TANC1: variants seen among roughly 807,000 people sequenced by gnomAD.
TANC1 encodes tetratricopeptide repeat, ankyrin repeat and coiled-coil containing 1.
Under a neutral mutation model 149.7 loss-of-function variants are expected in TANC1, and 77 were observed. The ratio of observed to expected loss-of-function variants is 0.51; its 90% confidence interval spans 0.43 to 0.62. The LOEUF (loss-of-function observed/expected upper bound fraction) is 0.62, where lower values mean the gene tolerates loss of function less well. TANC1 is among the 20% of genes least tolerant of loss of function. TANC1 has a pLI of 0.00. For synonymous variants in TANC1, 854 were observed against 925.0 expected (o/e 0.92, Z 1.39); for missense variants, 1,985 against 2,321.8 (o/e 0.85, Z 2.98).
chr2:159,021,518 G>A lies in TANC1; in HGVS notation c.-16+20329G>A, dbSNP rs182988805. The stretch of plus-strand genomic sequence containing the variant: ...AGGCTGAGGCAGGAGTAGCAGTAGA[G>A]CTTGAGCCCAGGGATTTGAGGTGGT... On this transcript the variant is annotated intron_variant, in intron 2 of 26. Coordinates refer to ENST00000263635, the MANE Select transcript of TANC1 (RefSeq NM_033394.3). Among the ~76,000 whole-genome samples, 332 of 152,212 alleles carry A rather than the reference G, an allele frequency of 2.2e-3. 5 individuals carry two copies. The highest frequency in any genetic ancestry group is 2.6e-3 in the Non-Finnish European group (174 of 68,012).
At chr2:159,079,863 A>G (rs1294847208) in intron 3 of TANC1, among the ~76,000 whole-genome samples, 4 of 152,234 alleles carry the variant, frequency 2.6e-5, no homozygotes, top group African/African-American at 9.6e-5. Context: ...GTTTCCTTTG[A>G]AAATATCCTT....
chr2:159,041,192 G>A (rs937672246), intron 2 of TANC1, among the ~76,000 whole-genome samples: 2 of 152,168 alleles, frequency 1.3e-5, no homozygotes, highest in Admixed American at 6.5e-5. Context: ...TGAGGTGTCA[G>A]TTGGCCCCTA....
At position 159,175,119 on chromosome 2, in the gene TANC1, G is replaced by C; in HGVS notation, c.1670G>C (p.Cys557Ser). 3.1e-6 allele frequency: 5 copies of C among 1,614,194 alleles called. No individual in the cohort carries two copies. The highest frequency in any genetic ancestry group is 3.4e-6 in the Non-Finnish European group (4 of 1,180,040). ...CAGAGCATGCTGAGCCTCCGATCCT[G>C]TGTGCAGGACCCGGTGGCAGCTTTC... ...QLQSMLSLRS[C>S]VQDPVAAFKR... Residue 557 changes from cysteine (C) to serine (S), a missense_variant, in exon 12 of 27, where the codon TGT (cysteine) becomes TCT (serine). Cys to Ser is a moderately radical substitution (Grantham distance 112). Transcript: ENST00000263635.
At chr2:159,011,526 AATT>A (rs2149378435) in intron 2 of TANC1, among the ~76,000 whole-genome samples, 1 of 137,572 alleles carries the variant, frequency 7.3e-6, no homozygotes, top group Non-Finnish European at 1.5e-5. Context: ...TTACACCTTA[AATT>A]TTTTTTTTTT....
chr2:159,130,224 G>A (rs1358734372), intron 4 of TANC1, among the ~76,000 whole-genome samples: 2 of 152,190 alleles, frequency 1.3e-5, no homozygotes, highest in Non-Finnish European at 2.9e-5. Flanking sequence ...AACATACCCA[G>A]TAGCTGGAAT....
At chr2:159,154,590 C>A (rs2053220448) in intron 7 of TANC1, among the ~76,000 whole-genome samples, 1 of 152,166 alleles carries the variant, frequency 6.6e-6, no homozygotes, top group Non-Finnish European at 1.5e-5. Context: ...ATTATGTTAT[C>A]CAGAGGGGAG....
chr2:159,063,087 G>GTGTGAAC (rs2042385072), intron 2 of TANC1, among the ~76,000 whole-genome samples: 4 of 151,394 alleles, frequency 2.6e-5, no homozygotes, highest in Admixed American at 2.6e-4. Flanking sequence ...CCAGACAGTT[G>GTGTGAAC]TGTGAACTGG....
intron 8 of TANC1, among the ~76,000 whole-genome samples, chr2:159,166,320 T>C (rs1290263708): frequency 6.6e-6 from 1 of 152,208 alleles, no homozygotes; most frequent in African/African-American, 2.4e-5. Flanking sequence ...GCATGGACTT[T>C]CCATAGGTTA....
intron 19 of TANC1, among the ~76,000 whole-genome samples, chr2:159,214,568 TC>T (rs2059228447): frequency 3.9e-5 from 6 of 152,206 alleles, no homozygotes; most frequent in Non-Finnish European, 7.3e-5. Context: ...ACCAGCTACC[TC>T]CTTGGAGAGC....
intron 13 of TANC1, 94 bp downstream of exon 13, chr2:159,176,612 T>C: frequency 2.1e-6 from 2 of 974,342 alleles, no homozygotes; most frequent in South Asian, 3.2e-5. Context: ...ACCATTCAGC[T>C]GCTTGAATTG....
At chr2:159,049,087 A>C (rs2041281396) in intron 2 of TANC1, among the ~76,000 whole-genome samples, 1 of 152,172 alleles carries the variant, frequency 6.6e-6, no homozygotes, top group Non-Finnish European at 1.5e-5. Flanking sequence ...TTTTCTTCAT[A>C]GGTCTCCCTC....
chr2:159,162,645 T>G (rs1436331758), intron 7 of TANC1, among the ~76,000 whole-genome samples: 1 of 152,338 alleles, frequency 6.6e-6, no homozygotes, highest in East Asian at 1.9e-4. Flanking sequence ...TCTGCAGTCA[T>G]AGTATACCTT....
chr2:159,056,619 T>G, intron 2 of TANC1: 1 of 159,474 alleles, frequency 6.3e-6, no homozygotes, highest in Non-Finnish European at 1.4e-5. Context: ...CTGGCCAGGT[T>G]TCAGTTTTTC....
intron 5 of TANC1, among the ~76,000 whole-genome samples, chr2:159,139,429 C>T (rs959916616): frequency 2.6e-5 from 4 of 152,100 alleles, no homozygotes; most frequent in East Asian, 1.9e-4. Flanking sequence ...AATGAGTAAG[C>T]TTCCTATTGC....
Position 159,178,705 on chromosome 2 carries a change from C to A in TANC1, c.2052C>A (p.Ala684=). The change falls in exon 14 of 27, where the codon GCC becomes GCA. Residue 684 remains alanine, a synonymous_variant. Coordinates refer to ENST00000263635, the MANE Select transcript of TANC1 (RefSeq NM_033394.3). ...GCAACATCTCCCTGAATGGCAAGGC[C>A]GATGCCACACTCATTGGAAAAGTGA... ...ILSNISLNGK[A]DATLIGKVSS... The A allele has an allele frequency of 6.2e-7, 1 of 1,614,148 alleles. No individual in the cohort carries two copies. The highest frequency in any genetic ancestry group is 8.5e-7 in the Non-Finnish European group (1 of 1,180,018).
chr2:159,079,408 A>G (rs979457283), intron 3 of TANC1, among the ~76,000 whole-genome samples: 1 of 127,960 alleles, frequency 7.8e-6, no homozygotes, highest in Non-Finnish European at 1.5e-5. Flanking sequence ...GCATGTTTAT[A>G]AACAGTTACA....
At chr2:159,138,356 T>C (rs1574913188) in intron 5 of TANC1, among the ~76,000 whole-genome samples, 1 of 152,152 alleles carries the variant, frequency 6.6e-6, no homozygotes, top group African/African-American at 2.4e-5. Context: ...CGCAGCAGGG[T>C]GAGCTTTCTC....
Position 159,169,382 on chromosome 2 carries a change from C to T in TANC1, c.1069+10C>T. ...GCACAGGAAGTTAAAGGTATTTATC[C>T]TGGCATCAGCTGCGATAATGGTTAT... On this transcript the variant is annotated intron_variant, in intron 9 of 26. Transcript: ENST00000263635. 2 of 1,612,748 alleles carry T rather than the reference C, an allele frequency of 1.2e-6. No individual in the cohort carries two copies. Among genetic ancestry groups the T allele is most frequent in the Non-Finnish European group, 1.7e-6 (2 of 1,179,432 alleles).
chr2:159,017,119 C>T (rs866871659), intron 2 of TANC1, among the ~76,000 whole-genome samples: 19 of 152,074 alleles, frequency 1.2e-4, no homozygotes, highest in Admixed American at 7.2e-4. Flanking sequence ...ATGATCTTTT[C>T]CCTTTTAGTC....
Sources: allele counts gnomAD v4.1 joint callset (sites outside exome capture counted in the v4.1 genomes callset), GRCh38; gene constraint gnomAD v4.1.1; transcripts MANE v1.5; gene names NCBI Gene and HGNC (gene_info 2026-07-23, HGNC 2026-07-21).